KIZ: variants seen among roughly 807,000 people sequenced by gnomAD.
KIZ encodes the protein centrosomal protein kizuna.
KIZ carries 68 observed loss-of-function variants against 79.6 expected under a neutral mutation model. The observed-to-expected ratio is 0.85, with a 90% confidence interval of 0.70 to 1.05. KIZ has a LOEUF of 1.05. KIZ is among the 50% of genes least tolerant of loss of function. The probability of loss-of-function intolerance (pLI) is 0.00; values close to 1 mark genes in which losing one functional copy is unlikely to be tolerated. For missense variants in KIZ, 797 were observed against 800.4 expected (o/e 1.00, Z 0.05); for synonymous variants, 280 against 281.8 (o/e 0.99, Z 0.06).
At chr20:21,206,850 G>A (rs900797744) in intron 7 of KIZ, among the ~76,000 whole-genome samples, 2 of 152,078 alleles carry the variant, frequency 1.3e-5, no homozygotes, top group Non-Finnish European at 1.5e-5. Context: ...GAGAGAATTC[G>A]AAGATGCTAA....
At chr20:21,172,129 A>G (rs2122808585) in intron 6 of KIZ, among the ~76,000 whole-genome samples, 1 of 152,290 alleles carries the variant, frequency 6.6e-6, no homozygotes. Flanking sequence ...GTTTTAAGCT[A>G]CTAAGTTTTG....
chr20:21,219,009 T>C (rs1433401052), intron 9 of KIZ, among the ~76,000 whole-genome samples: 1 of 152,206 alleles, frequency 6.6e-6, no homozygotes, highest in Non-Finnish European at 1.5e-5. Context: ...TTTCAGCCAT[T>C]TCAGAAGAAG....
chr20:21,150,121 C>T (rs955919854), intron 4 of KIZ, among the ~76,000 whole-genome samples: 2 of 152,134 alleles, frequency 1.3e-5, no homozygotes, highest in African/African-American at 4.8e-5. Context: ...GAGGTTTTTC[C>T]CCTCCAGGTC....
Position 21,126,082 on chromosome 20 carries a change from A to G in KIZ, c.-34A>G. 14 of 1,495,232 alleles carry G rather than the reference A, an allele frequency of 9.4e-6. No individual in the cohort carries two copies. Among genetic ancestry groups the G allele is most frequent in the East Asian group, 2.9e-5 (1 of 34,902 alleles). The allele number at this position is 1,495,232 out of a possible 1,614,324, so 92.6% of individuals were successfully genotyped here. ...GGCAACCCCGGCCGAACGGCCACCCAGAGGCTGTGCTGAGCTGGCGCAGCG... is the reference window on the plus strand; with the variant it reads ...GGCAACCCCGGCCGAACGGCCACCCGGAGGCTGTGCTGAGCTGGCGCAGCG... On this transcript the variant is annotated 5_prime_UTR_variant, in exon 1 of 13. Coordinates refer to ENST00000619189, the MANE Select transcript of KIZ (RefSeq NM_018474.6).
At chr20:21,150,457 A>G (rs2122556787) in intron 4 of KIZ, among the ~76,000 whole-genome samples, 1 of 152,366 alleles carries the variant, frequency 6.6e-6, no homozygotes, top group Non-Finnish European at 1.5e-5. Flanking sequence ...GGGGGCTCTG[A>G]GCAGTTGCCT....
intron 6 of KIZ, among the ~76,000 whole-genome samples, chr20:21,189,780 A>T (rs2035036006): frequency 6.6e-6 from 1 of 152,104 alleles, no homozygotes; most frequent in Non-Finnish European, 1.5e-5. Context: ...TTTCCTGGGT[A>T]AAGAGAAGGA....
chr20:21,208,387 AT>A (rs1418490419), intron 7 of KIZ, among the ~76,000 whole-genome samples: 1 of 152,246 alleles, frequency 6.6e-6, no homozygotes, highest in Non-Finnish European at 1.5e-5. Context: ...GTACCAATAG[AT>A]TAATGACAAA....
At chr20:21,200,693 A>T (rs943568646) in intron 6 of KIZ, among the ~76,000 whole-genome samples, 3 of 151,938 alleles carry the variant, frequency 2.0e-5, no homozygotes, top group Non-Finnish European at 4.4e-5. Flanking sequence ...CCCTCCTGCC[A>T]CTCACCTCCT....
At chr20:21,204,177 G>T (rs1000123334) in intron 6 of KIZ, among the ~76,000 whole-genome samples, 2 of 143,644 alleles carry the variant, frequency 1.4e-5, no homozygotes, top group African/African-American at 5.1e-5. Flanking sequence ...GTGCAGTGGC[G>T]GGATCTCGGC....
intron 6 of KIZ, chr20:21,202,301 A>G (rs909158424): frequency 6.6e-6 from 1 of 152,252 alleles, no homozygotes; most frequent in Non-Finnish European, 1.5e-5. Flanking sequence ...CTTACTTATT[A>G]TAAGAAATGT....
At chr20:21,234,521 T>C (rs1156773980) in intron 11 of KIZ, among the ~76,000 whole-genome samples, 1 of 152,070 alleles carries the variant, frequency 6.6e-6, no homozygotes, top group Non-Finnish European at 1.5e-5. Flanking sequence ...ACCCTGGGCT[T>C]TGGAGAGCTC....
intron 6 of KIZ, among the ~76,000 whole-genome samples, chr20:21,193,312 G>A (rs1482866505): frequency 6.6e-6 from 1 of 152,178 alleles, no homozygotes; most frequent in Non-Finnish European, 1.5e-5. Context: ...GCAGGAATAT[G>A]TAAAAGTTAT....
In KIZ at chr20:21,207,547, C is replaced by T. The variant is rs13039526; in HGVS notation, c.1446+1963C>T. Among the ~76,000 whole-genome samples the T allele has an allele frequency of 4.1e-5, 6 of 146,134 alleles. No homozygotes were observed. The East Asian group carries it at 6.2e-4, about 15-fold the overall frequency. On this transcript the variant is annotated intron_variant, in intron 7 of 12. Transcript: ENST00000619189. ...CTTCTGCTCTTTCTCTCTTTTCCCTCTTCTCCTCAAACTTCCTTCCCTCCC... is the reference window on the plus strand; with the variant it reads ...CTTCTGCTCTTTCTCTCTTTTCCCTTTTCTCCTCAAACTTCCTTCCCTCCC...
chr20:21,129,063 G>A (rs558835954), intron 1 of KIZ, among the ~76,000 whole-genome samples: 1 of 152,292 alleles, frequency 6.6e-6, no homozygotes, highest in Non-Finnish European at 1.5e-5. Context: ...GATTTAATAT[G>A]TAAGAATTGC....
At chr20:21,171,091 A>G (rs1337863478) in intron 6 of KIZ, among the ~76,000 whole-genome samples, 2 of 152,336 alleles carry the variant, frequency 1.3e-5, no homozygotes, top group East Asian at 3.9e-4. Flanking sequence ...ACATCTTGTC[A>G]GCATTTGGTA....
intron 4 of KIZ, among the ~76,000 whole-genome samples, chr20:21,149,608 G>A (rs760664779): frequency 6.6e-6 from 1 of 152,218 alleles, no homozygotes; most frequent in Non-Finnish European, 1.5e-5. Context: ...GCTCCCAGGA[G>A]CAGTGCCACT....
chr20:21,185,971 TA>T (rs1176580272), intron 6 of KIZ, among the ~76,000 whole-genome samples: 2 of 152,110 alleles, frequency 1.3e-5, no homozygotes, highest in African/African-American at 4.8e-5. Flanking sequence ...GCACCTGCTA[TA>T]TAGTTTGCCT....
In KIZ at chr20:21,162,317, A is replaced by G. The variant is rs2122692269; in HGVS notation, c.852A>G (p.Pro284=). ...CCCCGTTACGGGAAAGATTAAGTCCAGAGAACAGAACCACTGATTTAAAGT... is the reference window on the plus strand; with the variant it reads ...CCCCGTTACGGGAAAGATTAAGTCCGGAGAACAGAACCACTGATTTAAAGT... ...LNSPLRERLS[P]ENRTTDLKCD... is the part of the protein sequence containing the mutation. Residue 284 remains proline (P), a synonymous_variant, in exon 5 of 13, where the codon CCA becomes CCG. Coordinates refer to ENST00000619189, the MANE Select transcript of KIZ (RefSeq NM_018474.6). 4 of 1,613,934 alleles carry G rather than the reference A, an allele frequency of 2.5e-6. No individual in the cohort carries two copies. Among genetic ancestry groups the G allele is most frequent in the Non-Finnish European group, 3.4e-6 (4 of 1,179,812 alleles).
intron 9 of KIZ, among the ~76,000 whole-genome samples, chr20:21,222,655 A>G (rs2036535755): frequency 6.6e-6 from 1 of 152,224 alleles, no homozygotes; most frequent in African/African-American, 2.4e-5. Context: ...AGGCGTCAGC[A>G]GGGCCCTTGC....
Sources: gnomAD v4.1 joint callset for allele counts (sites outside exome capture counted in the v4.1 genomes callset) on GRCh38, gnomAD v4.1.1 for gene constraint, MANE v1.5 for transcripts, NCBI Gene and HGNC (gene_info 2026-07-23, HGNC 2026-07-21) for gene names.